The following BDP1 variants were observed in gnomAD, a reference collection of about 807,000 sequenced individuals.
BDP1 encodes transcription factor TFIIIB component B'' homolog.
A neutral mutation model predicts 266.6 loss-of-function variants in BDP1; 169 were observed. The observed-to-expected ratio is 0.63, with a 90% CI of 0.56 to 0.72. The LOEUF (loss-of-function observed/expected upper bound fraction) is 0.72, where lower values mean the gene tolerates loss of function less well. Ranked by LOEUF, BDP1 falls within the 30% of genes least tolerant of loss-of-function variation. The pLI is 0.00. For synonymous variants in BDP1, 1,090 were observed against 1,022.4 expected (o/e 1.07, Z -1.26); for missense variants, 3,015 against 3,053.8 (o/e 0.99, Z 0.30).
At chr5:71,548,640 A>G (rs777179709) in intron 32 of BDP1, 42 bp from the exon 33 acceptor site, 16 of 1,304,332 alleles carry the variant, frequency 1.2e-5, no homozygotes, top group Admixed American at 8.7e-5. Flanking sequence ...TAAATGTAAG[A>G]TTTGGCCAAC....
chr5:71,493,329 A>T (rs559216297), intron 11 of BDP1, among the ~76,000 whole-genome samples: 2 of 152,334 alleles, frequency 1.3e-5, no homozygotes, highest in East Asian at 3.9e-4. Flanking sequence ...GCGTGATCAC[A>T]GCTCACCACA....
chr5:71,557,246 T>C (rs975570145), intron 36 of BDP1, among the ~76,000 whole-genome samples: 11 of 152,246 alleles, frequency 7.2e-5, no homozygotes, highest in Admixed American at 3.9e-4. Context: ...TCTCACTCTG[T>C]TACCTAGGCT....
chr5:71,522,194 A>C (rs923372838), intron 22 of BDP1, 95 bp from the exon 23 acceptor site: 26 of 938,378 alleles, frequency 2.8e-5, no homozygotes, highest in Non-Finnish European at 4.3e-5. Flanking sequence ...TGAACATAGA[A>C]TTGATTTGTA....
chr5:71,559,748 G>A (rs1471672393), intron 36 of BDP1, among the ~76,000 whole-genome samples: 2 of 152,100 alleles, frequency 1.3e-5, no homozygotes, highest in African/African-American at 2.4e-5. Flanking sequence ...TATTTTCTAG[G>A]CCAAAATATA....
chr5:71,577,549 C>G, the BDP1 span, among the ~76,000 whole-genome samples: 1 of 150,772 alleles, frequency 6.6e-6, no homozygotes, highest in African/African-American at 2.4e-5. Flanking sequence ...GTGTAACCAA[C>G]TTAGAATATA....
At chr5:71,463,368 G>T (rs1267922076) in intron 3 of BDP1, among the ~76,000 whole-genome samples, 1 of 152,106 alleles carries the variant, frequency 6.6e-6, no homozygotes, top group African/African-American at 2.4e-5. Flanking sequence ...CCTCAGCATA[G>T]CCCTTTTTCA....
intron 5 of BDP1, among the ~76,000 whole-genome samples, 192 bp downstream of exon 5, chr5:71,466,413 T>C (rs2150357163): frequency 6.6e-6 from 1 of 152,358 alleles, no homozygotes; most frequent in South Asian, 2.1e-4. Context: ...ATAACTATTT[T>C]GTATGAGAAG....
Position 71,482,502 on chromosome 5 carries a change from T to C in BDP1, c.1015-1340T>C, listed in dbSNP as rs183087189. 5.3e-5 allele frequency among the ~76,000 whole-genome samples: 8 copies of C among 152,360 alleles called. No individual in the cohort carries two copies. In the East Asian group the frequency reaches 7.7e-4, roughly 15 times the overall value. On this transcript the variant is annotated intron_variant, in intron 7 of 38. Coordinates refer to ENST00000358731, the MANE Select transcript of BDP1 (RefSeq NM_018429.3). Reference sequence around the variant, plus strand: ...AGGACCTGTCCATAATGAGTTACTTTGCCAAGGCCAGAAGTGGAAATTATG... The same window carrying C: ...AGGACCTGTCCATAATGAGTTACTTCGCCAAGGCCAGAAGTGGAAATTATG...
chr5:71,470,728 C>T (rs1242172589), intron 7 of BDP1, among the ~76,000 whole-genome samples: 2 of 151,752 alleles, frequency 1.3e-5, no homozygotes, highest in Admixed American at 6.6e-5. Context: ...GCTGGTATTA[C>T]AGGCACCTGC....
intron 7 of BDP1, among the ~76,000 whole-genome samples, chr5:71,480,277 ATTTTT>A (rs552593030): frequency 6.6e-4 from 69 of 105,002 alleles, no homozygotes; most frequent in African/African-American, 2.4e-3. Context: ...TGCCCAGCTA[ATTTTT>A]TTTTTTTTTT....
chr5:71,495,345 A>G lies in BDP1; in HGVS notation c.1736A>G (p.Glu579Gly). The part of the protein sequence containing the change: ...SFEVGIRALC[E>G]VNNAEGSCIE... ...GAAGTTGGAATTAGAGCATTGTGTG[A>G]GGTGAATAATGCTGAGGGTAGTTGT... The change falls in exon 12 of 39, where the codon GAG becomes GGG. Residue 579 changes from glutamate to glycine, a missense_variant. Coordinates refer to ENST00000358731, the MANE Select transcript of BDP1 (RefSeq NM_018429.3). 2 of 1,605,706 alleles carry G rather than the reference A, an allele frequency of 1.2e-6. No homozygotes were observed. The highest frequency in any genetic ancestry group is 1.7e-6 in the Non-Finnish European group (2 of 1,174,982).
At chr5:71,520,947 GGGAAA>G (rs1401389760) in intron 22 of BDP1, among the ~76,000 whole-genome samples, 1 of 152,066 alleles carries the variant, frequency 6.6e-6, no homozygotes, top group Admixed American at 6.6e-5. Flanking sequence ...CCAGCGCTCT[GGGAAA>G]CCAAGGCGGG....
chr5:71,485,125 G>C (rs1763185568), intron 8 of BDP1, among the ~76,000 whole-genome samples: 1 of 152,122 alleles, frequency 6.6e-6, no homozygotes, highest in Non-Finnish European at 1.5e-5. Context: ...CATTTTTATA[G>C]ACTATTATAA....
chr5:71,545,270 T>TA (rs551099145), intron 32 of BDP1, 51 bp downstream of exon 32: 7,742 of 1,225,344 alleles, frequency 6.3e-3, no homozygotes, highest in Non-Finnish European at 7.1e-3. Context: ...TTCCTCCATT[T>TA]AAAAAAAAAA....
chr5:71,526,124 G>A (rs1198826016), intron 25 of BDP1, among the ~76,000 whole-genome samples: 3 of 152,306 alleles, frequency 2.0e-5, no homozygotes, highest in Non-Finnish European at 2.9e-5. Context: ...CCGAGATCAC[G>A]CCACTGCACT....
chr5:71,477,759 C>T (rs780857254), intron 7 of BDP1, among the ~76,000 whole-genome samples: 13 of 151,834 alleles, frequency 8.6e-5, no homozygotes, highest in Non-Finnish European at 1.8e-4. Flanking sequence ...TGCCCAACTA[C>T]AGGCATGTGT....
Position 71,560,132 on chromosome 5 carries a change from C to T in BDP1, c.7391C>T (p.Pro2464Leu). 2 of 1,614,098 alleles carry T rather than the reference C, an allele frequency of 1.2e-6. No individual in the cohort carries two copies. The highest frequency in any genetic ancestry group is 1.7e-6 in the Non-Finnish European group (2 of 1,180,008). ...ATGGACAAGAATGTGCCTCAGTTAC[C>T]TCAGGATGAAATGATTGTGTCTGAT... Reference protein sequence around the residue: ...ACMDKNVPQLPQDEMIVSDKE... With the variant: ...ACMDKNVPQLLQDEMIVSDKE... Residue 2464 changes from proline (P) to leucine (L), a missense_variant, in exon 37 of 39, where the codon CCT becomes CTT. Physicochemically the swap from Pro to Leu is moderately conservative, Grantham distance 98 (BLOSUM62 -3). Transcript: ENST00000358731.
At position 71,455,654 on chromosome 5, in the gene BDP1, G is replaced by A. The variant is rs1761116236; in HGVS notation, c.-224G>A. On this transcript the variant is annotated 5_prime_UTR_variant, in exon 1 of 39. Transcript: ENST00000358731. ...GTGAGCGCGGGGATGCTGGGAGGAG[G>A]GTGAAATTTAGCCATCGGTGTGTGG... 2 of 582,952 alleles carry A rather than the reference G, an allele frequency of 3.4e-6. No homozygotes were observed. Among genetic ancestry groups the A allele is most frequent in the African/African-American group, 1.9e-5 (1 of 53,578 alleles). The allele number at this position is 582,952 out of a possible 1,614,324, so 36.1% of individuals were successfully genotyped here.
At chr5:71,466,045 T>C (rs771711112) in intron 4 of BDP1, 51 bp from the exon 5 acceptor site, 2 of 1,589,236 alleles carry the variant, frequency 1.3e-6, no homozygotes, top group Admixed American at 1.8e-5. Flanking sequence ...TTATACTATT[T>C]AGGCACACTT....
Sources: gnomAD v4.1 joint callset for allele counts (sites outside exome capture counted in the v4.1 genomes callset) on GRCh38, gnomAD v4.1.1 for gene constraint, MANE v1.5 for transcripts, NCBI Gene and HGNC (gene_info 2026-07-23, HGNC 2026-07-21) for gene names.